The following AMZ1 variants were observed in gnomAD, a reference collection of about 807,000 sequenced individuals.
AMZ1 encodes archaemetzincin-1.
AMZ1 carries 39 observed loss-of-function variants against 29.9 expected under a neutral mutation model. The observed-to-expected ratio is 1.30, with a 90% CI of 1.01 to 1.70. AMZ1 has a LOEUF of 1.70. AMZ1 is among the 40% of genes most tolerant of loss of function. The pLI, the probability that AMZ1 is intolerant of heterozygous loss-of-function variation, is 0.00. For missense variants in AMZ1, 1,041 were observed against 680.6 expected (o/e 1.53, Z -5.89); for synonymous variants, 458 against 304.0 (o/e 1.51, Z -5.27).
chr7:2,731,108 C>G lies in AMZ1; in HGVS notation n.550+21292C>G. On this transcript the variant is annotated intron_variant and non_coding_transcript_variant, in intron 4 of 4. Coordinates refer to the AMZ1 transcript ENST00000489665. The surrounding 1 kb of genome is among the most constrained non-coding windows in gnomAD (Gnocchi z 6.0). Reference sequence around the variant, plus strand: ...GAAACCCACTCAAGGACCACACAGACAACACACACCCAAGAGTCTGACCGA... The same window carrying G: ...GAAACCCACTCAAGGACCACACAGAGAACACACACCCAAGAGTCTGACCGA... The G allele has an allele frequency of 9.8e-7, 1 of 1,018,654 alleles. No individual in the cohort carries two copies. Among genetic ancestry groups the G allele is most frequent in the Non-Finnish European group, 1.5e-6 (1 of 675,128 alleles). 63.1% of individuals were successfully genotyped at this position (1,018,654 alleles called of 1,614,324 possible).
chr7:2,710,214 G>A (rs568716857), intron 6 of AMZ1, among the ~76,000 whole-genome samples: 39 of 152,288 alleles, frequency 2.6e-4, no homozygotes, highest in Non-Finnish European at 3.5e-4. Flanking sequence ...GGCCCCTTGC[G>A]AGGAGGTGGG....
At chr7:2,728,761 G>A (rs1789734953) in intron 4 of AMZ1, 1 of 152,442 alleles carries the variant, frequency 6.6e-6, no homozygotes, top group Non-Finnish European at 1.5e-5. Flanking sequence ...GCCTTGCAGA[G>A]TTTCCTTCTT....
At chr7:2,754,323 G>A (rs1477610038) in intron 4 of AMZ1, among the ~76,000 whole-genome samples, 1 of 152,020 alleles carries the variant, frequency 6.6e-6, no homozygotes, top group African/African-American at 2.4e-5. Flanking sequence ...TTTTCTGTTT[G>A]GATTGTTTTC....
chr7:2,699,632 G>T (rs924434827), intron 1 of AMZ1, among the ~76,000 whole-genome samples: 1 of 152,186 alleles, frequency 6.6e-6, no homozygotes. Context: ...GGGTGTTGGG[G>T]GGTCCCTAGG....
rs1025124029 is a variant in AMZ1 at position 2,716,787 on chromosome 7, G to A, written c.*3909G>A. 6.6e-6 allele frequency among the ~76,000 whole-genome samples: 1 copy of A among 152,184 alleles called. No individual in the cohort carries two copies. Among genetic ancestry groups the A allele is most frequent in the Admixed American group, 6.5e-5 (1 of 15,276 alleles). ...GCTTAAGGGGTCCTTCCTATGTAAC[G>A]GAATTTTTTTACATCATCATCGAGT... is the stretch of plus-strand genomic sequence containing the variant. On this transcript the variant is annotated 3_prime_UTR_variant, in exon 7 of 7. Coordinates refer to ENST00000683327, the MANE Select transcript of AMZ1 (RefSeq NM_001384743.1).
chr7:2,739,639 G>A (rs1433220717), intron 4 of AMZ1, among the ~76,000 whole-genome samples: 1 of 152,164 alleles, frequency 6.6e-6, no homozygotes, highest in Admixed American at 6.5e-5. Flanking sequence ...CATTTCTTGA[G>A]TATACACCTA....
Position 2,719,297 on chromosome 7 carries a change from CT to C in AMZ1, c.*6420del, listed in dbSNP as rs1789314287. Among the ~76,000 whole-genome samples the C allele has an allele frequency of 6.6e-6, 1 of 152,210 alleles. No individual in the cohort carries two copies. ...TTGGAGGCAGTTGTTTCACGTGGGG[CT>C]CTTGATGGCATAACCTGATGTCTGT... On this transcript the variant is annotated 3_prime_UTR_variant, in exon 7 of 7. Transcript: ENST00000683327.
chr7:2,708,911 T>A (rs1361492847), intron 4 of AMZ1, among the ~76,000 whole-genome samples, 164 bp from the exon 5 acceptor site: 3 of 152,206 alleles, frequency 2.0e-5, no homozygotes, highest in African/African-American at 7.2e-5. Flanking sequence ...AGCTGTGGCG[T>A]CTGCCCCAGG....
chr7:2,737,379 C>T (rs1444905266), intron 4 of AMZ1, among the ~76,000 whole-genome samples: 1 of 144,160 alleles, frequency 6.9e-6, no homozygotes, highest in East Asian at 2.1e-4. Flanking sequence ...ACCTCTGCCT[C>T]CTGGGTTCAA....
At chr7:2,685,148 T>G (rs572658688), upstream of AMZ1, among the ~76,000 whole-genome samples, 127 of 151,400 alleles carry the variant, frequency 8.4e-4, 3 homozygotes, top group South Asian at 0.016. Context: ...GGATTACAGG[T>G]TGAGCCGCCG....
chr7:2,760,051 G>T (rs1030876921), upstream of AMZ1, among the ~76,000 whole-genome samples: 2 of 152,240 alleles, frequency 1.3e-5, no homozygotes, highest in African/African-American at 4.8e-5. Flanking sequence ...GAAAACACTA[G>T]GATGTCAAGG....
At chr7:2,701,221 A>G (rs1235659463) in intron 2 of AMZ1, among the ~76,000 whole-genome samples, 1 of 146,940 alleles carries the variant, frequency 6.8e-6, no homozygotes, top group Non-Finnish European at 1.5e-5. Flanking sequence ...ACGGAGTGAG[A>G]CTGTCTCAAA....
intron 5 of AMZ1, 116 bp from the exon 6 acceptor site, chr7:2,709,523 CT>C: frequency 6.9e-7 from 1 of 1,451,076 alleles, no homozygotes; most frequent in African/African-American, 1.4e-5. Flanking sequence ...CCTGGACCAC[CT>C]CCCGGCCATC....
At chr7:2,724,173 C>T (rs2115252116), downstream of AMZ1, among the ~76,000 whole-genome samples, 2 of 152,320 alleles carry the variant, frequency 1.3e-5, no homozygotes, top group South Asian at 4.1e-4. Context: ...CCCGCCTCAG[C>T]CTCCCAAGGT....
At chr7:2,733,364 A>C in intron 4 of AMZ1, 1 of 1,079,534 alleles carries the variant, frequency 9.3e-7, no homozygotes, top group Non-Finnish European at 1.4e-6. Flanking sequence ...AGTCCAGCCA[A>C]AGTCCTCACA....
chr7:2,725,353 G>C (rs1562385299), intron 4 of AMZ1, among the ~76,000 whole-genome samples: 1 of 152,254 alleles, frequency 6.6e-6, no homozygotes, highest in Admixed American at 6.5e-5. Flanking sequence ...AGCTGCGCGA[G>C]GGGAAGGGCG....
At chr7:2,742,064 C>T (rs1044953187) in intron 4 of AMZ1, among the ~76,000 whole-genome samples, 3 of 151,796 alleles carry the variant, frequency 2.0e-5, no homozygotes, top group Admixed American at 6.6e-5. Context: ...CCCTGTTGCC[C>T]AGGCTAGAGT....
intron 1 of AMZ1, among the ~76,000 whole-genome samples, chr7:2,695,737 G>A (rs745806144): frequency 1.2e-4 from 18 of 152,032 alleles, no homozygotes; most frequent in South Asian, 6.2e-4. Context: ...AAGGCCGGGC[G>A]CAGTGGCTCA....
chr7:2,713,061 G>C lies in AMZ1; in HGVS notation c.*183G>C, dbSNP rs1026426240. ...GAGACCAGACTGGGCAACATGGTGA[G>C]ACTCTGCCTCTACAAAAGAAAAATT... On this transcript the variant is annotated 3_prime_UTR_variant, in exon 7 of 7. Coordinates refer to ENST00000683327, the MANE Select transcript of AMZ1 (RefSeq NM_001384743.1). 5.4e-6 allele frequency: 3 copies of C among 555,282 alleles called. No homozygotes were observed. Among genetic ancestry groups the C allele is most frequent in the South Asian group, 1.3e-4 (2 of 15,274 alleles). 34.4% of individuals were successfully genotyped at this position (555,282 alleles called of 1,614,324 possible).
Sources: allele counts gnomAD v4.1 joint callset (sites outside exome capture counted in the v4.1 genomes callset), GRCh38; gene constraint gnomAD v4.1.1; non-coding constraint Gnocchi (gnomAD v3.1); transcripts MANE v1.5; gene names NCBI Gene and HGNC (gene_info 2026-07-23, HGNC 2026-07-21).